Variants in RIF1 observed in about 807,000 individuals in gnomAD.
RIF1 encodes replication timing regulatory factor 1, also known as telomere-associated protein RIF1.
RIF1 carries 45 observed loss-of-function variants against 247.1 expected under a neutral mutation model. That is an observed-to-expected ratio of 0.18 (90% CI 0.14 to 0.23). The LOEUF (loss-of-function observed/expected upper bound fraction) is 0.23, where lower values mean the gene tolerates loss of function less well. RIF1 is among the 10% of genes least tolerant of loss of function. The pLI is 1.00. For synonymous variants in RIF1, 1,087 were observed against 978.8 expected (o/e 1.11, Z -2.06); for missense variants, 2,967 against 2,862.5 (o/e 1.04, Z -0.83).
In RIF1 at chr2:151,479,062, G is replaced by A. The variant is rs2049062297; in HGVS notation, c.*3991G>A. The A allele has an allele frequency of 6.6e-6, 1 of 152,138 alleles. No individual in the cohort carries two copies. The highest frequency in any genetic ancestry group is 2.4e-5 in the African/African-American group (1 of 41,408). 9.4% of individuals were successfully genotyped at this position (152,138 alleles called of 1,614,324 possible). A position where few individuals can be genotyped will look rare whatever the true frequency, so the allele number is the denominator to read the frequency against. On this transcript the variant is annotated 3_prime_UTR_variant, in exon 36 of 36. Coordinates refer to ENST00000444746, the MANE Select transcript of RIF1 (RefSeq NM_018151.5). ...GATTCTGATTCAGTAGATCTGCATT[G>A]GGCCCCGTGAGTCTTTTTAAACACA...
In RIF1 at chr2:151,481,266, ACC is replaced by A. The variant is rs1345192860; in HGVS notation, c.*6198_*6199del. On this transcript the variant is annotated 3_prime_UTR_variant, in exon 36 of 36. Transcript: ENST00000444746. ...TGGTCTTGATTACTTAATTTCTGTT[ACC>A]CCTGTGTTTTCCAGAATGGCTTCTC... is the stretch of plus-strand genomic sequence containing the variant. 2.6e-5 allele frequency: 4 copies of A among 152,090 alleles called. No homozygotes were observed. The highest frequency in any genetic ancestry group is 9.7e-5 in the African/African-American group (4 of 41,410). 9.4% of individuals were successfully genotyped at this position (152,090 alleles called of 1,614,324 possible). A position where few individuals can be genotyped will look rare whatever the true frequency, so the allele number is the denominator to read the frequency against.
intron 25 of RIF1, 140 bp from the exon 26 acceptor site, chr2:151,459,860 G>T: frequency 1.4e-6 from 1 of 714,046 alleles, no homozygotes. Flanking sequence ...TCCTTTCTTT[G>T]ATTTTTATGG....
chr2:151,424,920 C>G (rs1162832320), intron 8 of RIF1, among the ~76,000 whole-genome samples: 2 of 141,882 alleles, frequency 1.4e-5, no homozygotes, highest in African/African-American at 5.3e-5. Flanking sequence ...CTCAAGTGAT[C>G]CGCCTGCCTC....
intron 12 of RIF1, chr2:151,506,038 T>G (rs2068623177): frequency 1.2e-6 from 1 of 822,466 alleles, no homozygotes; most frequent in African/African-American, 1.7e-5. Flanking sequence ...GTGGTGGTGG[T>G]ACACAGGCAC....
the RIF1 span, chr2:151,514,385 C>A: frequency 1.2e-6 from 2 of 1,613,792 alleles, no homozygotes; most frequent in East Asian, 4.5e-5. Context: ...TTCAGTGAGG[C>A]CCTTCCCACG....
chr2:151,497,267 G>C (rs1298657510), intron 10 of RIF1: 5 of 913,110 alleles, frequency 5.5e-6, no homozygotes, highest in African/African-American at 3.6e-5. Context: ...AAGGCTGTCA[G>C]AGTTATCCAT....
intron 10 of RIF1, among the ~76,000 whole-genome samples, chr2:151,434,751 T>C (rs1281671893): frequency 2.0e-5 from 3 of 152,100 alleles, no homozygotes; most frequent in African/African-American, 7.2e-5. Flanking sequence ...GTTTTTGAAT[T>C]TTTTTACAGT....
At chr2:151,410,930 A>G (rs1393904063) in intron 2 of RIF1, among the ~76,000 whole-genome samples, 1 of 152,204 alleles carries the variant, frequency 6.6e-6, no homozygotes, top group Non-Finnish European at 1.5e-5. Context: ...TAATTTTCAT[A>G]GAAATGTACT....
chr2:151,492,380 G>A lies in RIF1; in HGVS notation c.*416-2849G>A, dbSNP rs372378614. 1.3e-5 allele frequency: 21 copies of A among 1,595,354 alleles called. No homozygotes were observed. The highest frequency in any genetic ancestry group is 1.7e-5 in the Non-Finnish European group (20 of 1,169,196). The stretch of plus-strand genomic sequence containing the variant: ...AGCCAGCCAATCCTAAAGAATTCCT[G>A]ACTCACCGTTGAGATGTGCCGTTGG... On this transcript the variant is annotated intron_variant and NMD_transcript_variant, in intron 9 of 13. Coordinates refer to the RIF1 transcript ENST00000454583.
chr2:151,513,749 A>G, the RIF1 span: 1 of 1,180,956 alleles, frequency 8.5e-7, no homozygotes, highest in Non-Finnish European at 1.2e-6. Context: ...ACTAGGTAAT[A>G]AACATACAGG....
rs1434698015 is a variant in RIF1, at chr2:151,478,522, T to G, written c.*3451T>G. 6.6e-6 allele frequency: 1 copy of G among 152,100 alleles called. No homozygotes were observed. Among genetic ancestry groups the G allele is most frequent in the East Asian group, 1.9e-4 (1 of 5,192 alleles). 9.4% of individuals were successfully genotyped at this position (152,100 alleles called of 1,614,324 possible). ...TTCTAACATTGCCCATGGATTTTTT[T>G]TTTTCTGTACAGCTTGAAGATAAGA... On this transcript the variant is annotated 3_prime_UTR_variant, in exon 36 of 36. Coordinates refer to ENST00000444746, the MANE Select transcript of RIF1 (RefSeq NM_018151.5).
chr2:151,497,602 T>A, intron 10 of RIF1: 1 of 1,549,912 alleles, frequency 6.5e-7, no homozygotes, highest in Non-Finnish European at 8.7e-7. Flanking sequence ...AATAAGTAGT[T>A]TTTTTCTTTT....
At chr2:151,519,677 G>T in the RIF1 span, 1 of 1,609,786 alleles carries the variant, frequency 6.2e-7, no homozygotes, top group Non-Finnish European at 8.5e-7. Flanking sequence ...AAGATTATTA[G>T]CATCTTTCAT....
downstream of RIF1, chr2:151,508,233 A>C: frequency 1.6e-6 from 1 of 612,730 alleles, no homozygotes; most frequent in Non-Finnish European, 2.8e-6. Context: ...TATTTTCTTA[A>C]CTGTCCAAGG....
intron 10 of RIF1, among the ~76,000 whole-genome samples, chr2:151,495,625 G>C (rs1285872986): frequency 6.6e-6 from 1 of 151,830 alleles, no homozygotes. Flanking sequence ...ACGGGAAATG[G>C]TTTACTAAAG....
chr2:151,468,350 G>C (rs1697275739), intron 31 of RIF1, 124 bp from the exon 32 acceptor site: 1 of 875,006 alleles, frequency 1.1e-6, no homozygotes, highest in East Asian at 2.5e-5. Flanking sequence ...TGATTAGGTA[G>C]TAGATTACTC....
At position 151,480,947 on chromosome 2, in the gene RIF1, T is replaced by A. The variant is rs1186425043; in HGVS notation, c.*5876T>A. On this transcript the variant is annotated 3_prime_UTR_variant, in exon 36 of 36. Coordinates refer to ENST00000444746, the MANE Select transcript of RIF1 (RefSeq NM_018151.5). ...GTGAGCTGAGACTGGTTTTTACATTTTTTAATGGTGAAAAAAGTCAAAAGA... is the reference window on the plus strand; with the variant it reads ...GTGAGCTGAGACTGGTTTTTACATTATTTAATGGTGAAAAAAGTCAAAAGA... The A allele has an allele frequency of 7.5e-6, 1 of 133,366 alleles. No homozygotes were observed. The allele number at this position is 133,366 out of a possible 1,614,324, so 8.3% of individuals were successfully genotyped here.
intron 4 of RIF1, 104 bp from the exon 5 acceptor site, chr2:151,416,456 AT>A: frequency 9.2e-7 from 1 of 1,082,290 alleles, no homozygotes; most frequent in Non-Finnish European, 1.3e-6. Flanking sequence ...CTGGATATAC[AT>A]TTAATTTTAT....
chr2:151,515,071 A>G, the RIF1 span: 77 of 619,776 alleles, frequency 1.2e-4, no homozygotes, highest in Non-Finnish European at 1.8e-4. Context: ...CATTTGAAAC[A>G]TGTATGATTG....
Sources: allele counts gnomAD v4.1 joint callset (sites outside exome capture counted in the v4.1 genomes callset), GRCh38; gene constraint gnomAD v4.1.1; transcripts MANE v1.5; gene names NCBI Gene and HGNC (gene_info 2026-07-23, HGNC 2026-07-21).